The following NEBL variants were observed in gnomAD, a reference collection of about 807,000 sequenced individuals.
NEBL encodes LIM and SH3 protein 2.
NEBL carries 122 observed loss-of-function variants against 140.2 expected under a neutral mutation model. The observed-to-expected ratio is 0.87, with a 90% CI of 0.75 to 1.01. The LOEUF is 1.01. Ranked by LOEUF, NEBL falls within the 50% of genes least tolerant of loss-of-function variation. The probability of loss-of-function intolerance (pLI) is 0.00; values close to 1 mark genes in which losing one functional copy is unlikely to be tolerated. For missense variants in NEBL, 1,365 were observed against 1,231.3 expected (o/e 1.11, Z -1.62); for synonymous variants, 436 against 398.9 (o/e 1.09, Z -1.11).
intron 2 of NEBL, among the ~76,000 whole-genome samples, chr10:21,086,195 T>G (rs955228977): frequency 1.3e-5 from 2 of 152,230 alleles, no homozygotes; most frequent in Non-Finnish European, 2.9e-5. Flanking sequence ...TGTTATCATT[T>G]AGGCCCACAT....
chr10:21,164,528 G>T (rs11012552), intron 2 of NEBL, among the ~76,000 whole-genome samples: 26,315 of 152,150 alleles, frequency 0.17, 2,459 homozygotes, highest in East Asian at 0.32. Flanking sequence ...ATTGAGGAGA[G>T]ATCTGCTGAG....
chr10:21,004,243 T>C (rs888317651), intron 3 of NEBL, among the ~76,000 whole-genome samples: 1 of 152,106 alleles, frequency 6.6e-6, no homozygotes, highest in African/African-American at 2.4e-5. Flanking sequence ...CATGAACACT[T>C]CTCTAAAATG....
At chr10:21,038,673 T>C (rs1166048093) in intron 2 of NEBL, among the ~76,000 whole-genome samples, 1 of 152,216 alleles carries the variant, frequency 6.6e-6, no homozygotes, top group Non-Finnish European at 1.5e-5. Context: ...AATAAACATA[T>C]GTGTGCATGA....
In NEBL at chr10:20,811,792, A is replaced by G. The variant is rs536999529; in HGVS notation, c.2518+977T>C. The stretch of plus-strand genomic sequence containing the variant: ...TATTACTGAGTGGCATATACCAAAA[A>G]TATTCTTTAAGCTACGTAACTACAT... On this transcript the variant is annotated intron_variant, in intron 24 of 27. Coordinates refer to ENST00000377122, the MANE Select transcript of NEBL (RefSeq NM_006393.3). Among the ~76,000 whole-genome samples the G allele has an allele frequency of 1.4e-4, 21 of 152,352 alleles. 1 individual carries two copies. The South Asian group carries it at 4.1e-3, about 30-fold the overall frequency.
intron 2 of NEBL, among the ~76,000 whole-genome samples, chr10:21,090,559 C>T (rs1836864666): frequency 1.3e-5 from 2 of 152,276 alleles, no homozygotes; most frequent in East Asian, 1.9e-4. Context: ...ACTGTATTCC[C>T]TCCTTTGTTT....
chr10:20,807,581 C>T (rs1588649423), intron 26 of NEBL, among the ~76,000 whole-genome samples: 2 of 152,302 alleles, frequency 1.3e-5, no homozygotes, highest in South Asian at 4.1e-4. Context: ...ACTAATTACA[C>T]AATTATACAA....
chr10:21,018,966 G>T (rs904464383), intron 3 of NEBL, among the ~76,000 whole-genome samples: 6 of 152,214 alleles, frequency 3.9e-5, no homozygotes, highest in Admixed American at 3.9e-4. Flanking sequence ...GGCAGAGGTT[G>T]CAGTGAGCCG....
intron 3 of NEBL, among the ~76,000 whole-genome samples, chr10:20,962,083 A>G (rs982806992): frequency 2.6e-5 from 4 of 152,236 alleles, no homozygotes; most frequent in African/African-American, 9.6e-5. Flanking sequence ...GGATCAGACT[A>G]CTTGATGCAT....
At chr10:20,901,897 G>C (rs1017359751), upstream of NEBL, among the ~76,000 whole-genome samples, 2 of 152,176 alleles carry the variant, frequency 1.3e-5, no homozygotes, top group African/African-American at 4.8e-5. Context: ...ATCATTTCTT[G>C]AAAGAAGAAA....
chr10:20,859,893 G>A, intron 7 of NEBL, 67 bp from the exon 8 acceptor site: 1 of 767,144 alleles, frequency 1.3e-6, no homozygotes, highest in East Asian at 2.8e-5. Context: ...TTTTCACGTA[G>A]ATAAAATAAA....
chr10:20,883,799 C>G (rs953778794), intron 4 of NEBL, among the ~76,000 whole-genome samples: 3 of 152,146 alleles, frequency 2.0e-5, no homozygotes, highest in Non-Finnish European at 2.9e-5. Context: ...CTTAAAAAGG[C>G]TATGTAATTT....
chr10:21,040,286 A>G (rs1834212661), intron 2 of NEBL, among the ~76,000 whole-genome samples: 1 of 152,170 alleles, frequency 6.6e-6, no homozygotes, highest in Non-Finnish European at 1.5e-5. Context: ...GAATCGCTCG[A>G]ACCCAGGAGG....
intron 4 of NEBL, among the ~76,000 whole-genome samples, chr10:20,883,012 G>A (rs1278191918): frequency 1.3e-5 from 2 of 152,274 alleles, no homozygotes; most frequent in East Asian, 1.9e-4. Flanking sequence ...TGTTCCTCCA[G>A]ACTCGCAGTA....
chr10:21,275,973 T>C (rs1474384421), intron 1 of NEBL, among the ~76,000 whole-genome samples: 3 of 148,190 alleles, frequency 2.0e-5, no homozygotes, highest in East Asian at 2.0e-4. Context: ...CCTTTCTTTT[T>C]TTTTTTTTTT....
chr10:20,835,027 G>T (rs1301198011), intron 14 of NEBL, among the ~76,000 whole-genome samples: 1 of 152,176 alleles, frequency 6.6e-6, no homozygotes, highest in East Asian at 1.9e-4. Context: ...TGCTGACTGT[G>T]TAGAAATTTC....
intron 1 of NEBL, among the ~76,000 whole-genome samples, chr10:21,290,540 A>G (rs1376681742): frequency 6.6e-6 from 1 of 152,168 alleles, no homozygotes; most frequent in African/African-American, 2.4e-5. Flanking sequence ...AACCAAGAAA[A>G]ATTAACCACC....
chr10:20,814,409 AG>A (rs1432493518), intron 22 of NEBL, among the ~76,000 whole-genome samples: 1 of 151,886 alleles, frequency 6.6e-6, no homozygotes, highest in Admixed American at 6.6e-5. Flanking sequence ...TAGGCTGGGC[AG>A]CACAGTGAAA....
intron 2 of NEBL, chr10:21,020,338 ATCTC>A: frequency 1.4e-6 from 1 of 739,086 alleles, no homozygotes; most frequent in Non-Finnish European, 2.4e-6. Context: ...GGCTAAGGTC[ATCTC>A]TCTGTCATTA....
At chr10:20,893,327 A>G (rs1847185527) in intron 2 of NEBL, among the ~76,000 whole-genome samples, 1 of 152,230 alleles carries the variant, frequency 6.6e-6, no homozygotes, top group South Asian at 2.1e-4. Context: ...ACTAACAGGA[A>G]TAAATATGAC....
Sources: gnomAD v4.1 joint callset for allele counts (sites outside exome capture counted in the v4.1 genomes callset) on GRCh38, gnomAD v4.1.1 for gene constraint, MANE v1.5 for transcripts, NCBI Gene and HGNC (gene_info 2026-07-23, HGNC 2026-07-21) for gene names.